The following MYO5B variants were observed in gnomAD, a reference collection of about 807,000 sequenced individuals.
MYO5B encodes the protein unconventional myosin-Vb.
Under a neutral mutation model 229.3 loss-of-function variants are expected in MYO5B, and 143 were observed. That is an observed-to-expected ratio of 0.62 (90% CI 0.54 to 0.72). The LOEUF is 0.72. MYO5B is among the 30% of genes least tolerant of loss of function. The probability of loss-of-function intolerance (pLI) is 0.00; values close to 1 mark genes in which losing one functional copy is unlikely to be tolerated. For synonymous variants in MYO5B, 918 were observed against 885.2 expected (o/e 1.04, Z -0.66); for missense variants, 2,321 against 2,331.0 (o/e 1.00, Z 0.09).
intron 4 of MYO5B, among the ~76,000 whole-genome samples, chr18:50,005,647 G>A (rs2026093429): frequency 6.6e-6 from 1 of 152,140 alleles, no homozygotes; most frequent in Admixed American, 6.5e-5. Flanking sequence ...GAACTCCTGA[G>A]CTCAAGCAAT....
rs748367985 is a variant in MYO5B, at chr18:49,929,554, A to G, written c.2048T>C (p.Val683Ala). 1.0e-5 allele frequency: 16 copies of G among 1,604,684 alleles called. No individual in the cohort carries two copies. Among genetic ancestry groups the G allele is most frequent in the Admixed American group, 8.5e-5 (5 of 58,898 alleles). The stretch of plus-strand genomic sequence containing the variant: ...TGCACTGATTCGAATCGTCTCCAAC[A>G]CCCCGCAGGCTCTGAGTTGCTGCAC... ...RAVQQLRACGVLETIRISAAG... is the reference protein window; with the variant it reads ...RAVQQLRACGALETIRISAAG... The change falls in exon 17 of 40, where the codon GTG becomes GCG. Residue 683 changes from valine (V) to alanine (A), a missense_variant. By Grantham distance (64) the Val-to-Ala change is moderately conservative. Around this residue, in one of 2 missense-constraint regions of MYO5B, gnomAD observed 2,113 missense variants for 2,044.7 expected, o/e 1.03. Transcript: ENST00000285039.
intron 1 of MYO5B, among the ~76,000 whole-genome samples, chr18:50,157,144 C>T (rs932966641): frequency 3.3e-5 from 5 of 150,312 alleles, no homozygotes; most frequent in African/African-American, 4.9e-5. Context: ...CTCGCTCTGT[C>T]GCCCAGGCTG....
intron 11 of MYO5B, 116 bp downstream of exon 11, chr18:49,962,833 G>A (rs1382687124): frequency 1.1e-6 from 1 of 896,476 alleles, no homozygotes; most frequent in East Asian, 2.4e-5. Context: ...GAAAACCAAG[G>A]GATATCAGAA....
chr18:50,086,505 T>C (rs981154702), intron 1 of MYO5B, among the ~76,000 whole-genome samples: 2 of 152,268 alleles, frequency 1.3e-5, no homozygotes, highest in East Asian at 1.9e-4. Context: ...TGTATCACAA[T>C]TGACATATCT....
chr18:49,935,990 C>CT (rs1365805599), intron 16 of MYO5B, among the ~76,000 whole-genome samples: 3 of 152,256 alleles, frequency 2.0e-5, no homozygotes, highest in African/African-American at 7.2e-5. Context: ...TTAACGTTCT[C>CT]TATTTTATTC....
intron 28 of MYO5B, 71 bp from the exon 29 acceptor site, chr18:49,863,398 G>C: frequency 7.5e-7 from 1 of 1,325,898 alleles, no homozygotes; most frequent in Non-Finnish European, 1.1e-6. Context: ...ATACAAACAG[G>C]TATAAAAACA....
chr18:50,181,569 CA>C (rs1458457761), intron 1 of MYO5B, among the ~76,000 whole-genome samples: 4 of 152,206 alleles, frequency 2.6e-5, no homozygotes, highest in Non-Finnish European at 4.4e-5. Context: ...AGGGAGGACT[CA>C]AAAGCACACA....
chr18:49,839,262 A>T lies in MYO5B; in HGVS notation c.4734T>A (p.Asn1578Lys). 6.2e-7 allele frequency: 1 copy of T among 1,614,172 alleles called. No homozygotes were observed. The change falls in exon 36 of 40, where the codon AAT becomes AAA. Residue 1578 changes from asparagine (N) to lysine (K), a missense_variant. Coordinates refer to ENST00000285039, the MANE Select transcript of MYO5B (RefSeq NM_001080467.3). ...GGTCAAAATTCTTAAGACAGTGTTC[A>T]TTCTGCTTTGCAGTGTTCTGAGTCA... is the stretch of plus-strand genomic sequence containing the variant. ...GFMTQNTAKQ[N>K]EHCLKNFDLT... is the part of the protein sequence containing the mutation.
At chr18:50,076,161 C>T (rs746804938) in intron 1 of MYO5B, among the ~76,000 whole-genome samples, 28 of 152,134 alleles carry the variant, frequency 1.8e-4, no homozygotes, top group African/African-American at 3.1e-4. Flanking sequence ...TTGCAAAAGG[C>T]GTGCCAGAGA....
At chr18:50,134,356 C>T (rs1371872484) in intron 1 of MYO5B, among the ~76,000 whole-genome samples, 1 of 151,830 alleles carries the variant, frequency 6.6e-6, no homozygotes, top group Non-Finnish European at 1.5e-5. Flanking sequence ...GAGATCGAGA[C>T]CATCCTAGCC....
chr18:49,961,154 T>C (rs1015807807), intron 12 of MYO5B, among the ~76,000 whole-genome samples: 2 of 152,196 alleles, frequency 1.3e-5, no homozygotes, highest in Admixed American at 6.5e-5. Flanking sequence ...CAGGATGGCC[T>C]AGGCTGTGAC....
At chr18:50,090,254 G>A (rs554702389) in intron 1 of MYO5B, among the ~76,000 whole-genome samples, 37 of 150,154 alleles carry the variant, frequency 2.5e-4, no homozygotes, top group Non-Finnish European at 3.5e-4. Context: ...GAGGCAGGAG[G>A]ATCATTTGAG....
intron 33 of MYO5B, among the ~76,000 whole-genome samples, chr18:49,846,327 C>T (rs2024125928): frequency 6.6e-6 from 1 of 152,180 alleles, no homozygotes; most frequent in Admixed American, 6.5e-5. Context: ...CTGCATCTCT[C>T]ACCCCTTCCC....
At chr18:50,130,410 T>G (rs2032236543) in intron 1 of MYO5B, among the ~76,000 whole-genome samples, 1 of 152,216 alleles carries the variant, frequency 6.6e-6, no homozygotes, top group South Asian at 2.1e-4. Context: ...AGCACTTCCT[T>G]AGGGCCTCCA....
intron 16 of MYO5B, among the ~76,000 whole-genome samples, chr18:49,932,934 T>G (rs745369766): frequency 7.9e-5 from 12 of 152,106 alleles, no homozygotes; most frequent in Non-Finnish European, 1.3e-4. Flanking sequence ...TGGAGGACCA[T>G]AGCAAGGACA....
At chr18:50,150,947 C>T (rs1304930259) in intron 1 of MYO5B, among the ~76,000 whole-genome samples, 1 of 152,240 alleles carries the variant, frequency 6.6e-6, no homozygotes, top group African/African-American at 2.4e-5. Context: ...TCTCTTCACA[C>T]AGGCAAGGCC....
rs530141407 is a variant in MYO5B at position 50,021,327 on chromosome 18, C to T, written c.455+15523G>A. 4.6e-5 allele frequency among the ~76,000 whole-genome samples: 7 copies of T among 152,270 alleles called. No homozygotes were observed. In the South Asian group the frequency reaches 1.5e-3, roughly 32 times the overall value. ...CAGATTCAATCCATGGAGAGAGACA[C>T]AAGAATTGAACAGCAAGAACCCTGG... On this transcript the variant is annotated intron_variant, in intron 4 of 39. Transcript: ENST00000285039.
intron 34 of MYO5B, among the ~76,000 whole-genome samples, chr18:49,842,368 G>A (rs2024068961): frequency 1.3e-5 from 2 of 152,320 alleles, no homozygotes; most frequent in African/African-American, 4.8e-5. Context: ...GCTACTGAGG[G>A]CAGGAAACCA....
intron 1 of MYO5B, among the ~76,000 whole-genome samples, chr18:50,161,266 C>T (rs375961658): frequency 3.0e-4 from 45 of 152,242 alleles, no homozygotes; most frequent in African/African-American, 1.1e-3. Context: ...TGCCTGTAAT[C>T]CCAGCTACTC....
Sources: gnomAD v4.1 joint callset for allele counts (sites outside exome capture counted in the v4.1 genomes callset) on GRCh38, gnomAD v4.1.1 for gene constraint, gnomAD v4.1.1 regional missense constraint, MANE v1.5 for transcripts, NCBI Gene and HGNC (gene_info 2026-07-23, HGNC 2026-07-21) for gene names.